The following BACH2 variants were observed in gnomAD, a reference collection of about 807,000 sequenced individuals.
The protein encoded by BACH2 is transcription regulator protein BACH2.
Under a neutral mutation model 61.8 loss-of-function variants are expected in BACH2, and 5 were observed. The ratio of observed to expected loss-of-function variants is 0.08; its 90% CI spans 0.04 to 0.17. The LOEUF (loss-of-function observed/expected upper bound fraction) is 0.17, where lower values mean the gene tolerates loss of function less well. BACH2 is among the 10% of genes least tolerant of loss of function. The pLI, the probability that BACH2 is intolerant of heterozygous loss-of-function variation, is 1.00. For synonymous variants in BACH2, 446 were observed against 440.1 expected, an observed-to-expected ratio of 1.01 and a Z score of -0.17; for missense variants, 824 against 1,091.1, an observed-to-expected ratio of 0.76 and a Z score of 3.45.
At chr6:89,981,133 C>CA (rs532836396) in intron 6 of BACH2, among the ~76,000 whole-genome samples, 21 of 139,060 alleles carry the variant, frequency 1.5e-4, no homozygotes, top group Admixed American at 1.3e-3. Context: ...TCGTGATTCG[C>CA]TTTTTTTTTT....
chr6:90,020,058 C>T (rs1778293263), intron 5 of BACH2, among the ~76,000 whole-genome samples: 3 of 152,172 alleles, frequency 2.0e-5, no homozygotes, highest in African/African-American at 7.2e-5. Context: ...TTAGACTAAC[C>T]TGACTGAAGA....
At chr6:90,026,531 T>C (rs1326537626) in intron 5 of BACH2, among the ~76,000 whole-genome samples, 1 of 152,172 alleles carries the variant, frequency 6.6e-6, no homozygotes, top group Non-Finnish European at 1.5e-5. Flanking sequence ...GTTAGATTCA[T>C]CTGACCAGGG....
chr6:90,161,332 C>A (rs1785185864), intron 4 of BACH2, among the ~76,000 whole-genome samples: 2 of 152,104 alleles, frequency 1.3e-5, no homozygotes, highest in African/African-American at 2.4e-5. Flanking sequence ...ATTTGCAAAT[C>A]ATATTAATGA....
intron 3 of BACH2, among the ~76,000 whole-genome samples, chr6:90,244,796 C>A (rs1340179642): frequency 6.6e-6 from 1 of 152,222 alleles, no homozygotes; most frequent in Non-Finnish European, 1.5e-5. Context: ...GCCATCATCA[C>A]CCTCATGGGC....
At chr6:90,237,209 C>A (rs2127862829) in intron 3 of BACH2, among the ~76,000 whole-genome samples, 1 of 152,344 alleles carries the variant, frequency 6.6e-6, no homozygotes, top group African/African-American at 2.4e-5. Context: ...AGGCGTGAGC[C>A]ACTGCGCCCA....
chr6:89,970,937 A>C (rs1775324468), intron 6 of BACH2, among the ~76,000 whole-genome samples: 1 of 152,260 alleles, frequency 6.6e-6, no homozygotes, highest in Non-Finnish European at 1.5e-5. Flanking sequence ...GCGGGATCTT[A>C]ACGGTGTATT....
intron 1 of BACH2, among the ~76,000 whole-genome samples, chr6:90,295,288 A>C (rs1396157157): frequency 6.6e-6 from 1 of 152,136 alleles, no homozygotes; most frequent in South Asian, 2.1e-4. Flanking sequence ...AAACTCGCCT[A>C]CGCGCGGGAG....
At chr6:89,995,496 C>T (rs1311099815) in intron 6 of BACH2, among the ~76,000 whole-genome samples, 2 of 152,186 alleles carry the variant, frequency 1.3e-5, no homozygotes, top group Admixed American at 1.3e-4. Context: ...CTCAGATTGA[C>T]CCCTGCCCGG....
intron 5 of BACH2, among the ~76,000 whole-genome samples, chr6:90,041,936 A>T (rs1779556347): frequency 6.6e-6 from 1 of 151,812 alleles, no homozygotes; most frequent in Non-Finnish European, 1.5e-5. Context: ...TAACGTTTTG[A>T]GTTAGACACT....
intron 4 of BACH2, among the ~76,000 whole-genome samples, chr6:90,147,731 C>G (rs574751906): frequency 4.6e-5 from 7 of 152,020 alleles, no homozygotes; most frequent in African/African-American, 1.7e-4. Flanking sequence ...TCCTGAGCAC[C>G]GTAATTGAAA....
At chr6:90,148,253 C>T (rs1034768247) in intron 4 of BACH2, among the ~76,000 whole-genome samples, 1 of 152,090 alleles carries the variant, frequency 6.6e-6, no homozygotes, top group Non-Finnish European at 1.5e-5. Context: ...TTTTCTCTCC[C>T]GTACCCAAGT....
intron 5 of BACH2, among the ~76,000 whole-genome samples, chr6:90,061,704 G>GA (rs1248003734): frequency 4.0e-5 from 6 of 151,086 alleles, no homozygotes; most frequent in Admixed American, 1.3e-4. Flanking sequence ...GATTGAGAAG[G>GA]AAAAAAAAAT....
chr6:90,138,404 G>A, intron 4 of BACH2, among the ~76,000 whole-genome samples: 1 of 152,184 alleles, frequency 6.6e-6, no homozygotes, highest in East Asian at 1.9e-4. Flanking sequence ...TTGGTAGGCT[G>A]AGGCAGAAGA....
Position 90,026,754 on chromosome 6 carries a change from C to T in BACH2, c.-12-17898G>A, listed in dbSNP as rs994252818. The stretch of plus-strand genomic sequence containing the variant: ...AAGGAAACAGAAGTGAATACTGAGG[C>T]TTGGCAGAAATACAGCTTTCACAGA... On this transcript the variant is annotated intron_variant, in intron 5 of 8. Coordinates refer to ENST00000257749, the MANE Select transcript of BACH2 (RefSeq NM_021813.4). Among the ~76,000 whole-genome samples, 5 of 152,180 alleles carry T rather than the reference C, an allele frequency of 3.3e-5. No individual in the cohort carries two copies. In the South Asian group the frequency reaches 1.0e-3, roughly 32 times the overall value.
intron 1 of BACH2, among the ~76,000 whole-genome samples, chr6:90,280,553 AACC>A: frequency 6.6e-6 from 1 of 152,224 alleles, no homozygotes; most frequent in Admixed American, 6.5e-5. Flanking sequence ...AAATCTTAAG[AACC>A]ATGAGGGATC....
intron 4 of BACH2, among the ~76,000 whole-genome samples, chr6:90,166,597 C>T (rs1292394445): frequency 6.6e-6 from 1 of 152,188 alleles, no homozygotes; most frequent in Non-Finnish European, 1.5e-5. Flanking sequence ...TATAAAGACA[C>T]ATGCACACGT....
At chr6:89,971,547 C>G (rs1005542283) in intron 6 of BACH2, among the ~76,000 whole-genome samples, 1 of 152,104 alleles carries the variant, frequency 6.6e-6, no homozygotes, top group Non-Finnish European at 1.5e-5. Flanking sequence ...ACTGTCAGTA[C>G]GGTTCTTACT....
At chr6:90,122,726 T>TG (rs550007863) in intron 4 of BACH2, among the ~76,000 whole-genome samples, 100 of 152,334 alleles carry the variant, frequency 6.6e-4, no homozygotes, top group Middle Eastern at 3.4e-3. Flanking sequence ...TGGCGAGGCC[T>TG]GGCTCTCCCA....
chr6:90,294,951 T>C (rs1464512449), intron 1 of BACH2, among the ~76,000 whole-genome samples: 1 of 152,224 alleles, frequency 6.6e-6, no homozygotes, highest in African/African-American at 2.4e-5. Context: ...TCCGCCAAGG[T>C]TCCCACTAGG....
Sources: allele counts gnomAD v4.1 joint callset (sites outside exome capture counted in the v4.1 genomes callset), GRCh38; gene constraint gnomAD v4.1.1; transcripts MANE v1.5; gene names NCBI Gene and HGNC (gene_info 2026-07-23, HGNC 2026-07-21).